The following FOXP1 variants were observed in gnomAD, a reference collection of about 807,000 sequenced individuals.
FOXP1 encodes forkhead box P1.
In FOXP1, 15 loss-of-function variants were observed where a neutral mutation model predicts 98.2. That is an observed-to-expected ratio of 0.15 (90% CI 0.10 to 0.24). FOXP1 has a LOEUF of 0.24. FOXP1 is among the 10% of genes least tolerant of loss of function. The pLI, the probability that FOXP1 is intolerant of heterozygous loss-of-function variation, is 1.00. For missense variants in FOXP1, 633 were observed against 848.5 expected (o/e 0.75, Z 3.15); for synonymous variants, 371 against 314.5 (o/e 1.18, Z -1.90).
At chr3:71,046,176 A>G (rs1163210997) in intron 10 of FOXP1, among the ~76,000 whole-genome samples, 1 of 152,164 alleles carries the variant, frequency 6.6e-6, no homozygotes, top group Non-Finnish European at 1.5e-5. Flanking sequence ...ACATATGTGA[A>G]AGTCAGAGTT....
intron 3 of FOXP1, among the ~76,000 whole-genome samples, chr3:71,405,062 C>T (rs1005272648): frequency 5.3e-5 from 8 of 152,214 alleles, no homozygotes; most frequent in African/African-American, 1.9e-4. Context: ...CAGCACGCAG[C>T]CACCAACTTC....
intron 4 of FOXP1, among the ~76,000 whole-genome samples, chr3:71,348,111 A>C (rs1200692124): frequency 6.6e-6 from 1 of 152,126 alleles, no homozygotes; most frequent in African/African-American, 2.4e-5. Context: ...AAGTTATGTG[A>C]ATGTGGTCTC....
intron 7 of FOXP1, among the ~76,000 whole-genome samples, chr3:71,106,674 G>A (rs1178994976): frequency 6.6e-6 from 1 of 151,372 alleles, no homozygotes; most frequent in Non-Finnish European, 1.5e-5. Flanking sequence ...TACCCAGACT[G>A]GCCTCAAACT....
chr3:71,405,697 A>G (rs2082267336), intron 3 of FOXP1, among the ~76,000 whole-genome samples: 1 of 152,050 alleles, frequency 6.6e-6, no homozygotes, highest in Non-Finnish European at 1.5e-5. Flanking sequence ...AATGTCTAAG[A>G]TCGAGGGTCC....
chr3:71,159,426 A>G (rs1195562459), intron 6 of FOXP1, among the ~76,000 whole-genome samples: 1 of 152,228 alleles, frequency 6.6e-6, no homozygotes, highest in Non-Finnish European at 1.5e-5. Context: ...GTTATTTTCT[A>G]TAACAAGAGA....
chr3:71,532,250 C>A (rs1288651078), intron 2 of FOXP1, among the ~76,000 whole-genome samples: 2 of 152,140 alleles, frequency 1.3e-5, no homozygotes, highest in Non-Finnish European at 2.9e-5. Flanking sequence ...CAGATGTGTG[C>A]CACCACACCC....
chr3:71,317,693 T>C (rs1284468066), intron 4 of FOXP1, among the ~76,000 whole-genome samples: 2 of 151,860 alleles, frequency 1.3e-5, no homozygotes. Context: ...TTCCCCCAAA[T>C]ACAATACTCA....
At chr3:71,216,741 A>G (rs1294407361) in intron 5 of FOXP1, among the ~76,000 whole-genome samples, 1 of 152,264 alleles carries the variant, frequency 6.6e-6, no homozygotes, top group East Asian at 1.9e-4. Context: ...GGAAAAGGAT[A>G]CACCAGGAAT....
At chr3:71,407,120 G>A (rs1312030269) in intron 3 of FOXP1, among the ~76,000 whole-genome samples, 1 of 152,072 alleles carries the variant, frequency 6.6e-6, no homozygotes, top group Non-Finnish European at 1.5e-5. Flanking sequence ...TCTGTTTCTT[G>A]CATTGGGAAC....
intron 11 of FOXP1, among the ~76,000 whole-genome samples, chr3:71,015,940 G>A (rs988281642): frequency 3.9e-5 from 6 of 152,172 alleles, no homozygotes; most frequent in Admixed American, 6.6e-5. Context: ...CTCAGACTGC[G>A]AAGGAGTCTT....
chr3:71,013,238 T>A (rs982608987), intron 12 of FOXP1, among the ~76,000 whole-genome samples: 60 of 152,246 alleles, frequency 3.9e-4, no homozygotes, highest in Admixed American at 7.9e-4. Context: ...TGAACAAAAG[T>A]CAATACCAAT....
intron 6 of FOXP1, among the ~76,000 whole-genome samples, chr3:71,155,453 T>C (rs9310208): frequency 0.84 from 127,412 of 152,158 alleles, 53,589 homozygotes; most frequent in East Asian, 0.9. Context: ...AATACTAAGT[T>C]TACTAAGTCT....
intron 5 of FOXP1, among the ~76,000 whole-genome samples, chr3:71,228,626 G>T (rs2066028409): frequency 6.6e-6 from 1 of 152,126 alleles, no homozygotes; most frequent in African/African-American, 2.4e-5. Context: ...ACTGATTAGG[G>T]TCATTATGTT....
intron 5 of FOXP1, among the ~76,000 whole-genome samples, chr3:71,270,350 C>T (rs1392199807): frequency 6.6e-6 from 1 of 152,112 alleles, no homozygotes; most frequent in African/African-American, 2.4e-5. Flanking sequence ...AAATGATGTG[C>T]CTCTACGACA....
At chr3:71,044,257 G>A (rs979571931) in intron 10 of FOXP1, among the ~76,000 whole-genome samples, 2 of 152,164 alleles carry the variant, frequency 1.3e-5, no homozygotes, top group African/African-American at 4.8e-5. Context: ...AAGAATAATA[G>A]TACGAAGTTA....
intron 2 of FOXP1, among the ~76,000 whole-genome samples, chr3:71,547,442 C>T (rs552299460): frequency 3.9e-5 from 6 of 152,244 alleles, no homozygotes; most frequent in Admixed American, 3.9e-4. Flanking sequence ...GCCTCTAGGG[C>T]GAGGCCCAGA....
chr3:71,120,933 C>A (rs767145349), intron 6 of FOXP1, among the ~76,000 whole-genome samples: 1 of 152,062 alleles, frequency 6.6e-6, no homozygotes, highest in Non-Finnish European at 1.5e-5. Context: ...TAACAAATAC[C>A]GCAAAGGTAG....
At chr3:71,064,603 A>G (rs2052102267) in intron 7 of FOXP1, among the ~76,000 whole-genome samples, 2 of 150,398 alleles carry the variant, frequency 1.3e-5, no homozygotes, top group Non-Finnish European at 2.9e-5. Flanking sequence ...ACAGGCCTGC[A>G]GCTCCTTTTT....
chr3:71,318,097 A>G (rs1441820832), intron 4 of FOXP1, among the ~76,000 whole-genome samples: 10 of 151,958 alleles, frequency 6.6e-5, no homozygotes, highest in Admixed American at 6.6e-4. Flanking sequence ...AGAGTAAGTC[A>G]TTTTTAAAAA....
Sources: gnomAD v4.1 joint callset for allele counts (sites outside exome capture counted in the v4.1 genomes callset) on GRCh38, gnomAD v4.1.1 for gene constraint, MANE v1.5 for transcripts, NCBI Gene and HGNC (gene_info 2026-07-23, HGNC 2026-07-21) for gene names.